Variants in ARPP21 observed in about 807,000 individuals in gnomAD.
ARPP21 encodes cAMP-regulated phosphoprotein 21.
ARPP21 carries 69 observed loss-of-function variants against 113.2 expected under a neutral mutation model. The ratio of observed to expected loss-of-function variants is 0.61; its 90% CI spans 0.50 to 0.74. The LOEUF (loss-of-function observed/expected upper bound fraction) is 0.74. Ranked by LOEUF, ARPP21 falls within the 30% of genes least tolerant of loss-of-function variation. The pLI, the probability that ARPP21 is intolerant of heterozygous loss-of-function variation, is 0.00. For synonymous variants in ARPP21, 368 were observed against 375.5 expected, an observed-to-expected ratio of 0.98 and a Z score of 0.23; for missense variants, 1,070 against 1,037.4, an observed-to-expected ratio of 1.03 and a Z score of -0.43.
intron 1 of ARPP21, among the ~76,000 whole-genome samples, chr3:35,648,727 T>C (rs943395508): frequency 1.2e-4 from 19 of 152,296 alleles, no homozygotes; most frequent in African/African-American, 4.6e-4. Flanking sequence ...GAGCCACAGA[T>C]AGTATTCAAC....
chr3:35,779,313 A>G (rs1315012302), intron 19 of ARPP21, among the ~76,000 whole-genome samples: 4 of 152,178 alleles, frequency 2.6e-5, no homozygotes, highest in East Asian at 1.9e-4. Context: ...ACAGAACACA[A>G]TTCCTCAGTG....
At position 35,715,419 on chromosome 3, in the gene ARPP21, G is replaced by C. The variant is rs2092242932; in HGVS notation, c.898-20G>C. 1 of 1,610,802 alleles carries C rather than the reference G, an allele frequency of 6.2e-7. No homozygotes were observed. Among genetic ancestry groups the C allele is most frequent in the Non-Finnish European group, 8.5e-7 (1 of 1,177,526 alleles). ...GCATATCCAGAACTTCTGATCCAAT[G>C]CCTTTTTTTTATTTTTCAGTCAGTT... is the stretch of plus-strand genomic sequence containing the variant. On this transcript the variant is annotated intron_variant, in intron 11 of 20. Coordinates refer to ENST00000684406, the MANE Select transcript of ARPP21 (RefSeq NM_001385562.1).
intron 19 of ARPP21, among the ~76,000 whole-genome samples, chr3:35,791,149 C>T (rs995005906): frequency 1.3e-5 from 2 of 152,138 alleles, no homozygotes; most frequent in African/African-American, 4.8e-5. Flanking sequence ...TAAGTATTTT[C>T]TTTTATAAAG....
intron 1 of ARPP21, among the ~76,000 whole-genome samples, chr3:35,644,033 C>T (rs1699224091): frequency 6.6e-6 from 1 of 151,922 alleles, no homozygotes; most frequent in South Asian, 2.1e-4. Context: ...AGAAGCTCTA[C>T]ATTTCTGTGG....
chr3:35,730,210 A>G (rs2093852062), intron 15 of ARPP21, among the ~76,000 whole-genome samples: 1 of 152,196 alleles, frequency 6.6e-6, no homozygotes, highest in African/African-American at 2.4e-5. Context: ...GCATTTTTCT[A>G]GTGGGTCAGT....
intron 5 of ARPP21, 87 bp downstream of exon 5, chr3:35,683,902 T>G (rs962664228): frequency 3.1e-6 from 3 of 982,932 alleles, no homozygotes; most frequent in East Asian, 2.4e-5. Context: ...AACAGTGTTT[T>G]GGGGGAGAAA....
At chr3:35,643,926 AT>A (rs1465067510) in intron 1 of ARPP21, 2 of 151,994 alleles carry the variant, frequency 1.3e-5, no homozygotes, top group African/African-American at 4.8e-5. Flanking sequence ...AAAATATATT[AT>A]ATCACCTGGA....
intron 18 of ARPP21, among the ~76,000 whole-genome samples, chr3:35,743,069 G>A (rs540355219): frequency 1.3e-5 from 2 of 152,268 alleles, no homozygotes; most frequent in South Asian, 4.2e-4. Context: ...TTCCCTTTTA[G>A]ATTGAACATA....
At chr3:35,720,693 A>C (rs2092967811) in intron 13 of ARPP21, among the ~76,000 whole-genome samples, 1 of 152,230 alleles carries the variant, frequency 6.6e-6, no homozygotes, top group Admixed American at 6.5e-5. Flanking sequence ...GACAGATTGG[A>C]AACCAATGAA....
intron 18 of ARPP21, among the ~76,000 whole-genome samples, chr3:35,739,826 A>G (rs1281983640): frequency 6.6e-6 from 1 of 152,214 alleles, no homozygotes; most frequent in Non-Finnish European, 1.5e-5. Context: ...CCCATTTTCC[A>G]GGCTGCTGGT....
intron 1 of ARPP21, among the ~76,000 whole-genome samples, chr3:35,647,940 A>C (rs1700865510): frequency 6.6e-6 from 1 of 152,222 alleles, no homozygotes; most frequent in Non-Finnish European, 1.5e-5. Context: ...TATTCACTTA[A>C]AAGAAACCAC....
rs1258433778 is a variant in ARPP21, at chr3:35,713,399, A to AT, written c.898-2030dup. Among the ~76,000 whole-genome samples the AT allele has an allele frequency of 4.5e-3, 667 of 148,082 alleles. 3 individuals carry two copies. The highest frequency in any genetic ancestry group is 0.015 in the African/African-American group (594 of 39,566). On this transcript the variant is annotated intron_variant, in intron 11 of 20. Transcript: ENST00000684406. ...TACTTGAGATATTATTGGGTAAGGT[A>AT]TTTTTTTTTTATTTTTTTGAGACAA...
intron 1 of ARPP21, chr3:35,641,492 G>T (rs1698066435): frequency 7.1e-6 from 1 of 141,414 alleles, no homozygotes; most frequent in South Asian, 2.4e-4. Flanking sequence ...CTTTGTGTAT[G>T]TATTACCACA....
chr3:35,714,168 A>T (rs1170887491), intron 11 of ARPP21, among the ~76,000 whole-genome samples: 1 of 152,122 alleles, frequency 6.6e-6, no homozygotes, highest in Non-Finnish European at 1.5e-5. Flanking sequence ...CTTTTTCTTA[A>T]ATGAGGTTTT....
Position 35,794,068 on chromosome 3 carries a change from G to A in ARPP21, c.*110G>A. On this transcript the variant is annotated 3_prime_UTR_variant, in exon 21 of 21. Transcript: ENST00000684406. ...TTAAGTATTCACTCAACACTCAAATGATTGCTGCTGGTATTCTGTAAAAAA... is the reference window on the plus strand; with the variant it reads ...TTAAGTATTCACTCAACACTCAAATAATTGCTGCTGGTATTCTGTAAAAAA... 2 of 916,932 alleles carry A rather than the reference G, an allele frequency of 2.2e-6. No individual in the cohort carries two copies. The highest frequency in any genetic ancestry group is 3.3e-6 in the Non-Finnish European group (2 of 600,498). 56.8% of individuals were successfully genotyped at this position (916,932 alleles called of 1,614,324 possible).
chr3:35,646,667 T>A (rs1700352319), intron 1 of ARPP21, among the ~76,000 whole-genome samples: 1 of 152,140 alleles, frequency 6.6e-6, no homozygotes, highest in Admixed American at 6.5e-5. Flanking sequence ...GTATTAAAAT[T>A]GCTATTAAAT....
chr3:35,783,029 A>T (rs2096557939), intron 19 of ARPP21, among the ~76,000 whole-genome samples: 1 of 151,952 alleles, frequency 6.6e-6, no homozygotes, highest in South Asian at 2.1e-4. Context: ...AACTGTGGTC[A>T]TTGTCACATT....
At chr3:35,704,013 A>C (rs1028453260) in intron 9 of ARPP21, among the ~76,000 whole-genome samples, 1 of 151,848 alleles carries the variant, frequency 6.6e-6, no homozygotes, top group African/African-American at 2.4e-5. Context: ...TAAACTGCAA[A>C]ATTGCTCTTT....
At chr3:35,679,490 T>TA (rs1479446016) in intron 1 of ARPP21, 2 of 151,486 alleles carry the variant, frequency 1.3e-5, no homozygotes, top group African/African-American at 4.8e-5. Context: ...TTTTTTTTTT[T>TA]AATACAAAGT....
Sources: gnomAD v4.1 joint callset for allele counts (sites outside exome capture counted in the v4.1 genomes callset) on GRCh38, gnomAD v4.1.1 for gene constraint, MANE v1.5 for transcripts, NCBI Gene and HGNC (gene_info 2026-07-23, HGNC 2026-07-21) for gene names.